LAMB1: variants seen among roughly 807,000 people sequenced by gnomAD.
The protein encoded by LAMB1 is laminin subunit beta-1.
Under a neutral mutation model 222.3 loss-of-function variants are expected in LAMB1, and 121 were observed. The ratio of observed to expected loss-of-function variants is 0.54; its 90% CI spans 0.47 to 0.63. LAMB1 has a LOEUF of 0.63. Ranked by LOEUF, LAMB1 falls within the 30% of genes least tolerant of loss-of-function variation. The pLI is 0.00. For missense variants in LAMB1, 2,172 were observed against 2,240.8 expected (o/e 0.97, Z 0.62); for synonymous variants, 794 against 807.2 (o/e 0.98, Z 0.28).
intron 5 of LAMB1, among the ~76,000 whole-genome samples, chr7:107,987,831 G>A (rs1584535197): frequency 6.6e-6 from 1 of 152,196 alleles, no homozygotes; most frequent in East Asian, 1.9e-4. Flanking sequence ...GCAACAAGGT[G>A]TTTTCCAGGC....
chr7:108,002,560 C>A (rs1180223804), intron 2 of LAMB1, among the ~76,000 whole-genome samples: 1 of 152,234 alleles, frequency 6.6e-6, no homozygotes, highest in Admixed American at 6.5e-5. Flanking sequence ...GTGGGGAAAC[C>A]CAGGGTGAAC....
intron 15 of LAMB1, among the ~76,000 whole-genome samples, chr7:107,962,489 G>A (rs1562991601): frequency 3.3e-5 from 5 of 152,136 alleles, no homozygotes; most frequent in South Asian, 2.1e-4. Context: ...TGAGGCGGGC[G>A]AATCACCTGA....
At chr7:107,938,419 T>A (rs1487395073) in intron 25 of LAMB1, among the ~76,000 whole-genome samples, 2 of 152,186 alleles carry the variant, frequency 1.3e-5, no homozygotes, top group Non-Finnish European at 2.9e-5. Context: ...TGATACAATT[T>A]TTTTTAAAAC....
intron 22 of LAMB1, 104 bp downstream of exon 22, chr7:107,953,426 G>A (rs1169808476): frequency 1.1e-6 from 1 of 887,630 alleles, no homozygotes; most frequent in South Asian, 1.6e-5. Flanking sequence ...CTCTGAACAA[G>A]TGTTTTCCCA....
chr7:107,953,690 AC>A lies in LAMB1; in HGVS notation c.2918del (p.Cys973PhefsTer88). 1 of 1,614,138 alleles carries A rather than the reference AC, an allele frequency of 6.2e-7. No homozygotes were observed. Among genetic ancestry groups the A allele is most frequent in the East Asian group, 2.2e-5 (1 of 44,872 alleles). On this transcript the variant is annotated frameshift_variant, in exon 22 of 34. Transcript: ENST00000222399. LOFTEE classifies it high-confidence loss of function. ...FGNPSEVGGS[C>X]QPCQCHNNID... Reference sequence around the variant, plus strand: ...TGTTGTTGTGACACTGGCAAGGCTGACACGACCCCCCAACTTCTGATGGATT... The same window carrying A: ...TGTTGTTGTGACACTGGCAAGGCTGAACGACCCCCCAACTTCTGATGGATT...
Position 107,992,739 on chromosome 7 carries a change from A to C in LAMB1, c.423+2148T>G, listed in dbSNP as rs540231269. On this transcript the variant is annotated intron_variant, in intron 5 of 33. Coordinates refer to ENST00000222399, the MANE Select transcript of LAMB1 (RefSeq NM_002291.3). ...GGTGAAACCTGCCTCTACCAAAAATACAAAAATTAGCCAGGTGTGGTGGCA... is the reference window on the plus strand; with the variant it reads ...GGTGAAACCTGCCTCTACCAAAAATCCAAAAATTAGCCAGGTGTGGTGGCA... Among the ~76,000 whole-genome samples, 3 of 152,260 alleles carry C rather than the reference A, an allele frequency of 2.0e-5. No individual in the cohort carries two copies. The East Asian group carries it at 5.8e-4, about 30-fold the overall frequency.
intron 24 of LAMB1, among the ~76,000 whole-genome samples, chr7:107,945,149 A>G (rs2033089080): frequency 6.6e-6 from 1 of 151,928 alleles, no homozygotes; most frequent in South Asian, 2.1e-4. Context: ...CTGTAAACAC[A>G]CTCTCTGTTC....
chr7:107,964,657 G>A lies in LAMB1; in HGVS notation c.1593C>T (p.Cys531=), dbSNP rs150514010. Reference sequence around the variant, plus strand: ...ACTGACGTCCAATCATGTGAGGCCGGCATGAGCACTGGCCTGACTCCGCAA... The same window carrying A: ...ACTGACGTCCAATCATGTGAGGCCGACATGAGCACTGGCCTGACTCCGCAA... The part of the protein sequence containing the change: ...SCFAESGQCS[C]RPHMIGRQCN... The change falls in exon 14 of 34, where the codon TGC becomes TGT. Residue 531 remains cysteine, a synonymous_variant. Transcript: ENST00000222399. The A allele has an allele frequency of 1.1e-4, 176 of 1,614,142 alleles. No homozygotes were observed. The African/African-American group carries it at 2.1e-3, about 20-fold the overall frequency.
rs770909155 is a variant in LAMB1 at position 107,998,496 on chromosome 7, C to T, written c.214-4G>A. 1 of 1,612,610 alleles carries T rather than the reference C, an allele frequency of 6.2e-7. No individual in the cohort carries two copies. The highest frequency in any genetic ancestry group is 2.2e-5 in the East Asian group (1 of 44,848). On this transcript the variant is annotated splice_polypyrimidine_tract_variant and splice_region_variant and intron_variant, in intron 3 of 33. Coordinates refer to ENST00000222399, the MANE Select transcript of LAMB1 (RefSeq NM_002291.3). The stretch of plus-strand genomic sequence containing the variant: ...ATATGAAGCATTTTTTGTCCTCCTA[C>T]AAACAAAGTTGAGTTCATCAGTCTA...
chr7:107,984,828 A>G (rs978289099), intron 7 of LAMB1, among the ~76,000 whole-genome samples: 5 of 152,228 alleles, frequency 3.3e-5, no homozygotes, highest in African/African-American at 1.2e-4. Flanking sequence ...ACACACTTGT[A>G]CTAGTCACAA....
chr7:107,974,980 A>C lies in LAMB1; in HGVS notation c.1482+6T>G. 6.6e-7 allele frequency: 1 copy of C among 1,525,114 alleles called. No homozygotes were observed. Among genetic ancestry groups the C allele is most frequent in the Non-Finnish European group, 9.1e-7 (1 of 1,100,966 alleles). 94.5% of individuals were successfully genotyped at this position (1,525,114 alleles called of 1,614,324 possible). A position where few individuals can be genotyped will look rare whatever the true frequency, so the allele number is the denominator to read the frequency against. On this transcript the variant is annotated splice_donor_region_variant and intron_variant, in intron 12 of 33. Coordinates refer to ENST00000222399, the MANE Select transcript of LAMB1 (RefSeq NM_002291.3). ...CACCCATCCCACGTAATGAGGATTT[A>C]CTTACCAGGCACTGGTCACAATGCT... is the stretch of plus-strand genomic sequence containing the variant.
intron 5 of LAMB1, among the ~76,000 whole-genome samples, chr7:107,990,057 G>A (rs756575148): frequency 4.0e-5 from 6 of 149,998 alleles, no homozygotes; most frequent in Non-Finnish European, 8.9e-5. Flanking sequence ...TTTGTTTTTT[G>A]AGATAGAGTC....
At position 107,978,053 on chromosome 7, in the gene LAMB1, A is replaced by G. The variant is rs2033902472; in HGVS notation, c.994T>C (p.Cys332Arg). The change falls in exon 9 of 34, where the codon TGT becomes CGT. Residue 332 changes from cysteine (C) to arginine (R), a missense_variant. Coordinates refer to ENST00000222399, the MANE Select transcript of LAMB1 (RefSeq NM_002291.3). ...CCCTTCAACACAGACTTACTTTTAC[A>G]GGCGTTGCTGTTTCGGCCTTCAGCA... Reference protein sequence around the residue: ...RPAEGRNSNACKKCNCNEHSI... With the variant: ...RPAEGRNSNARKKCNCNEHSI... 1.2e-6 allele frequency: 2 copies of G among 1,614,064 alleles called. No homozygotes were observed. The highest frequency in any genetic ancestry group is 1.7e-6 in the Non-Finnish European group (2 of 1,180,022).
At position 107,943,944 on chromosome 7, in the gene LAMB1, CG is replaced by C. The variant is rs200883514; in HGVS notation, c.3392-3587del. ...GCTGATGCACAAATCTCAGGACTTACGTAACAGAGGAAGAAGTGATGCCATT... is the reference window on the plus strand; with the variant it reads ...GCTGATGCACAAATCTCAGGACTTACTAACAGAGGAAGAAGTGATGCCATT... On this transcript the variant is annotated intron_variant, in intron 24 of 33. Transcript: ENST00000222399. 5.6e-3 allele frequency among the ~76,000 whole-genome samples: 858 copies of C among 152,264 alleles called. 11 individuals carry two copies. Among genetic ancestry groups the C allele is most frequent in the African/African-American group, 0.02 (819 of 41,528 alleles).
rs2033967811 is a variant in LAMB1, at chr7:107,981,277, A to G, written c.677-466T>C. Among the ~76,000 whole-genome samples, 6 of 152,220 alleles carry G rather than the reference A, an allele frequency of 3.9e-5. No individual in the cohort carries two copies. The South Asian group carries it at 1.2e-3, about 32-fold the overall frequency. ...GCCTTGACCAACATGGTGAAACCCC[A>G]TCTCTACTAAAAATACAAAAAGTAG... On this transcript the variant is annotated intron_variant, in intron 7 of 33. Transcript: ENST00000222399.
At chr7:107,956,351 A>C (rs2033376291) in intron 20 of LAMB1, among the ~76,000 whole-genome samples, 1 of 152,210 alleles carries the variant, frequency 6.6e-6, no homozygotes, top group Admixed American at 6.5e-5. Flanking sequence ...CTTCAATCAC[A>C]ATCACCTGAA....
chr7:107,937,783 G>A (rs2032882257), intron 25 of LAMB1, among the ~76,000 whole-genome samples: 2 of 152,160 alleles, frequency 1.3e-5, no homozygotes, highest in African/African-American at 2.4e-5. Context: ...ACCAGTATCA[G>A]CTTTCATACA....
Position 107,951,278 on chromosome 7 carries a change from G to A in LAMB1, c.3339C>T (p.Thr1113=), listed in dbSNP as rs139457685. ...CQCMPGFGGR[T]CSECQELFWG... ...AGAAGAGTTCCTGGCACTCGCTGCA[G>A]GTGCGGCCTCCAAACCCAGGCATGC... Residue 1113 remains threonine, a synonymous_variant, in exon 24 of 34, where the codon ACC becomes ACT. Coordinates refer to ENST00000222399, the MANE Select transcript of LAMB1 (RefSeq NM_002291.3). 5.0e-6 allele frequency: 8 copies of A among 1,614,070 alleles called. No homozygotes were observed. The highest frequency in any genetic ancestry group is 6.8e-6 in the Non-Finnish European group (8 of 1,180,028).
chr7:107,931,335 T>G (rs1206106808), intron 29 of LAMB1, 21 bp downstream of exon 29: 9 of 1,604,380 alleles, frequency 5.6e-6, no homozygotes, highest in Non-Finnish European at 6.0e-6. Context: ...TGTCTAAAAG[T>G]AAAATGAAAA....
Sources: allele counts gnomAD v4.1 joint callset (sites outside exome capture counted in the v4.1 genomes callset), GRCh38; gene constraint gnomAD v4.1.1; transcripts MANE v1.5; gene names NCBI Gene and HGNC (gene_info 2026-07-23, HGNC 2026-07-21).